Variants in CSMD1 observed in about 807,000 individuals in gnomAD.
CSMD1 encodes CUB and sushi domain-containing protein 1.
In CSMD1, 213 loss-of-function variants were observed where a neutral mutation model predicts 417.5. The observed-to-expected ratio is 0.51, with a 90% CI of 0.46 to 0.57. The LOEUF (loss-of-function observed/expected upper bound fraction) is 0.57. Ranked by LOEUF, CSMD1 falls within the 20% of genes least tolerant of loss-of-function variation. The probability of loss-of-function intolerance (pLI) is 0.00; values close to 1 mark genes in which losing one functional copy is unlikely to be tolerated. For missense variants in CSMD1, 6,923 were observed against 4,529.7 expected (o/e 1.53, Z -15.17); for synonymous variants, 2,862 against 1,736.8 (o/e 1.65, Z -16.11).
At chr8:3,503,843 A>G (rs867874946) in intron 10 of CSMD1, among the ~76,000 whole-genome samples, 27,784 of 72,862 alleles carry the variant, frequency 0.38, 2,693 homozygotes, top group South Asian at 0.47. Context: ...GCCCCCCCCC[A>G]ACCCCCACAC....
rs940152 is a variant in CSMD1, at chr8:3,991,768, G to C, written c.818+6135C>G. ...AAATGTGGTCTCAACTTTTTTAAAAGGAGGAGGAAATATACCTTGGGACTG... is the reference window on the plus strand; with the variant it reads ...AAATGTGGTCTCAACTTTTTTAAAACGAGGAGGAAATATACCTTGGGACTG... On this transcript the variant is annotated intron_variant, in intron 5 of 69. Transcript: ENST00000635120. Among the ~76,000 whole-genome samples, 10 of 152,008 alleles carry C rather than the reference G, an allele frequency of 6.6e-5. No homozygotes were observed. The Middle Eastern group carries it at 0.01, about 155-fold the overall frequency.
At chr8:4,161,320 C>A (rs191691019) in intron 3 of CSMD1, among the ~76,000 whole-genome samples, 2 of 152,276 alleles carry the variant, frequency 1.3e-5, no homozygotes, top group East Asian at 3.9e-4. Context: ...CAGTAAGTGA[C>A]AGAATTAGGG....
intron 3 of CSMD1, among the ~76,000 whole-genome samples, chr8:4,140,578 A>G (rs1803725902): frequency 6.6e-6 from 1 of 150,946 alleles, no homozygotes; most frequent in Non-Finnish European, 1.5e-5. Context: ...TAAGGTGGGA[A>G]GACTGCTTGA....
intron 3 of CSMD1, among the ~76,000 whole-genome samples, chr8:4,109,395 C>T (rs1252697604): frequency 6.6e-6 from 1 of 152,028 alleles, no homozygotes; most frequent in East Asian, 1.9e-4. Context: ...AGTGACCTAG[C>T]AAAAATAAAG....
At chr8:4,315,101 A>G (rs937904796) in intron 3 of CSMD1, among the ~76,000 whole-genome samples, 4 of 152,128 alleles carry the variant, frequency 2.6e-5, no homozygotes, top group Admixed American at 1.3e-4. Context: ...GGAAGAGGAC[A>G]GGGCTTCTTA....
intron 5 of CSMD1, among the ~76,000 whole-genome samples, chr8:3,769,721 A>G (rs1798470037): frequency 6.6e-6 from 1 of 152,176 alleles, no homozygotes; most frequent in Non-Finnish European, 1.5e-5. Flanking sequence ...GAGTGAACAT[A>G]CCATTACTTA....
At chr8:4,369,843 G>C (rs1227479289) in intron 3 of CSMD1, among the ~76,000 whole-genome samples, 1 of 152,160 alleles carries the variant, frequency 6.6e-6, no homozygotes, top group Admixed American at 6.5e-5. Context: ...TGTAAGACGA[G>C]TATCTGGAAG....
chr8:3,166,997 G>T (rs1820262934), intron 37 of CSMD1, among the ~76,000 whole-genome samples: 1 of 152,144 alleles, frequency 6.6e-6, no homozygotes, highest in Non-Finnish European at 1.5e-5. Flanking sequence ...TTAAAAGGTG[G>T]TTCACAGGGC....
intron 3 of CSMD1, among the ~76,000 whole-genome samples, chr8:4,381,276 C>A (rs939634037): frequency 6.6e-6 from 1 of 152,194 alleles, no homozygotes; most frequent in South Asian, 2.1e-4. Flanking sequence ...GTCAAAACAG[C>A]CTTCCAGAGG....
Position 3,740,714 on chromosome 8 carries a change from C to T in CSMD1, c.931+13216G>A, listed in dbSNP as rs1000383171. Among the ~76,000 whole-genome samples the T allele has an allele frequency of 5.3e-5, 8 of 152,118 alleles. No homozygotes were observed. The South Asian group carries it at 6.2e-4, about 12-fold the overall frequency. On this transcript the variant is annotated intron_variant, in intron 6 of 69. Coordinates refer to ENST00000635120, the MANE Select transcript of CSMD1 (RefSeq NM_033225.6). ...CGAAGCAAACAAAACAAACTGCAAA[C>T]GAAGAGTCTAAAAGACTTGGTACCT...
chr8:4,992,840 G>T (rs914395229), intron 1 of CSMD1, among the ~76,000 whole-genome samples: 1 of 152,226 alleles, frequency 6.6e-6, no homozygotes, highest in African/African-American at 2.4e-5. Context: ...GAGCGACCAC[G>T]AGCTTGGGTG....
At chr8:3,201,180 A>C (rs1228865682) in intron 32 of CSMD1, among the ~76,000 whole-genome samples, 1 of 152,224 alleles carries the variant, frequency 6.6e-6, no homozygotes, top group Non-Finnish European at 1.5e-5. Flanking sequence ...GCATGTATAC[A>C]TGTGAACACG....
intron 5 of CSMD1, among the ~76,000 whole-genome samples, chr8:3,892,724 T>G (rs1395941410): frequency 2.0e-5 from 3 of 149,828 alleles, no homozygotes; most frequent in East Asian, 2.0e-4. Flanking sequence ...GGTTTTTTTT[T>G]TTTTTTTTTT....
intron 1 of CSMD1, among the ~76,000 whole-genome samples, chr8:4,650,685 G>C (rs1040937694): frequency 6.6e-6 from 1 of 151,546 alleles, no homozygotes; most frequent in East Asian, 1.9e-4. Context: ...GCTTGTAGTT[G>C]ATTCTGTGTG....
chr8:4,782,950 C>CAAAAA (rs11378248), intron 1 of CSMD1, among the ~76,000 whole-genome samples: 1 of 127,848 alleles, frequency 7.8e-6, no homozygotes, highest in Non-Finnish European at 1.7e-5. Context: ...TAAAGACACT[C>CAAAAA]AAAAAAAAAA....
intron 2 of CSMD1, among the ~76,000 whole-genome samples, chr8:4,470,485 G>C (rs1166599908): frequency 2.8e-4 from 43 of 152,288 alleles, no homozygotes; most frequent in Non-Finnish European, 1.3e-4. Flanking sequence ...TGCTTAACTG[G>C]AAGGATAAGT....
chr8:3,462,474 G>A (rs1249623663), intron 12 of CSMD1, among the ~76,000 whole-genome samples: 4 of 152,134 alleles, frequency 2.6e-5, no homozygotes, highest in Non-Finnish European at 5.9e-5. Context: ...TCTCCTAGGA[G>A]TGTGAACCCT....
chr8:3,164,894 C>A (rs887491537), intron 37 of CSMD1, among the ~76,000 whole-genome samples: 1 of 151,962 alleles, frequency 6.6e-6, no homozygotes, highest in African/African-American at 2.4e-5. Flanking sequence ...GATTTATATG[C>A]AGTTATTACA....
intron 1 of CSMD1, among the ~76,000 whole-genome samples, chr8:4,952,682 AAC>A (rs201028808): frequency 1.3e-5 from 2 of 152,038 alleles, no homozygotes; most frequent in African/African-American, 2.4e-5. Flanking sequence ...TCAGAAGCAA[AAC>A]ATGGAATACA....
Sources: allele counts gnomAD v4.1 joint callset (sites outside exome capture counted in the v4.1 genomes callset), GRCh38; gene constraint gnomAD v4.1.1; transcripts MANE v1.5; gene names NCBI Gene and HGNC (gene_info 2026-07-23, HGNC 2026-07-21).